The following RAB7A variants were observed in gnomAD, a reference collection of about 807,000 sequenced individuals.
RAB7A encodes ras-related protein Rab-7a.
RAB7A carries 2 observed loss-of-function variants against 24.5 expected under a neutral mutation model. The observed-to-expected ratio is 0.08, with a 90% CI of 0.03 to 0.26. RAB7A has a LOEUF of 0.26. Among genes scored for constraint, RAB7A ranks in the 10% least tolerant of loss-of-function variants. The pLI is 1.00. For synonymous variants in RAB7A, 100 were observed against 95.9 expected, an observed-to-expected ratio of 1.04 and a Z score of -0.25; for missense variants, 118 against 255.7, an observed-to-expected ratio of 0.46 and a Z score of 3.67.
chr3:128,795,460 A>C, intron 2 of RAB7A, 40 bp downstream of exon 2: 7 of 1,545,882 alleles, frequency 4.5e-6, no homozygotes, highest in Non-Finnish European at 6.3e-6. Context: ...ATTGGCTTAG[A>C]GCTAAGCCTC....
intron 3 of RAB7A, 56 bp downstream of exon 3, chr3:128,798,125 T>A: frequency 6.3e-7 from 1 of 1,591,190 alleles, no homozygotes; most frequent in South Asian, 1.1e-5. Context: ...TTAGTCTTAA[T>A]CTTTCCTCAT....
chr3:128,750,247 A>G (rs2070663561), intron 1 of RAB7A, among the ~76,000 whole-genome samples: 1 of 152,152 alleles, frequency 6.6e-6, no homozygotes, highest in South Asian at 2.1e-4. Context: ...GATTTAGGGT[A>G]TCTGGAGGAA....
At chr3:128,806,305 C>G (rs1933800653) in intron 3 of RAB7A, 67 bp from the exon 4 acceptor site, 4 of 1,443,104 alleles carry the variant, frequency 2.8e-6, no homozygotes, top group South Asian at 2.4e-5. Flanking sequence ...TCTGGCACCC[C>G]TTGCATACAT....
intron 1 of RAB7A, among the ~76,000 whole-genome samples, chr3:128,766,582 G>A (rs549355431): frequency 6.6e-6 from 1 of 152,290 alleles, no homozygotes; most frequent in South Asian, 2.1e-4. Flanking sequence ...GATCACTGTC[G>A]ACACTGGCAG....
chr3:128,749,362 G>A (rs1447524846), intron 1 of RAB7A: 1 of 152,202 alleles, frequency 6.6e-6, no homozygotes, highest in Non-Finnish European at 1.5e-5. Flanking sequence ...GTCTCTGGAG[G>A]CTGGAGGAGC....
At chr3:128,779,975 T>A (rs537886936) in intron 1 of RAB7A, among the ~76,000 whole-genome samples, 2 of 152,060 alleles carry the variant, frequency 1.3e-5, no homozygotes, top group Non-Finnish European at 2.9e-5. Flanking sequence ...TGGGCTGAAG[T>A]GTGGAGATTG....
At chr3:128,762,578 G>A (rs933772466) in intron 1 of RAB7A, among the ~76,000 whole-genome samples, 1 of 152,174 alleles carries the variant, frequency 6.6e-6, no homozygotes, top group Non-Finnish European at 1.5e-5. Context: ...TTCTGGGAGT[G>A]GGGAGTGAGA....
chr3:128,750,332 G>A (rs1360832870), intron 1 of RAB7A, among the ~76,000 whole-genome samples: 2 of 152,210 alleles, frequency 1.3e-5, no homozygotes, highest in South Asian at 2.1e-4. Context: ...TGCGATGTCA[G>A]CTCACTGCAG....
At chr3:128,747,959 G>A (rs975709205) in intron 1 of RAB7A, among the ~76,000 whole-genome samples, 1 of 152,096 alleles carries the variant, frequency 6.6e-6, no homozygotes, top group Non-Finnish European at 1.5e-5. Flanking sequence ...GTAGAGACGA[G>A]GTTTCACCAT....
Position 128,742,877 on chromosome 3 carries a change from G to A in RAB7A, c.-9+16518G>A, listed in dbSNP as rs181820583. On this transcript the variant is annotated intron_variant, in intron 1 of 5. Coordinates refer to ENST00000265062, the MANE Select transcript of RAB7A (RefSeq NM_004637.6). Reference sequence around the variant, plus strand: ...CAGCTGGCTTCGCCTAGCGGATCCCGTGCCAGGGCCACGGGCGGAGCTGCC... The same window carrying A: ...CAGCTGGCTTCGCCTAGCGGATCCCATGCCAGGGCCACGGGCGGAGCTGCC... Among the ~76,000 whole-genome samples the A allele has an allele frequency of 2.7e-3, 406 of 152,350 alleles. 4 individuals carry two copies. The highest frequency in any genetic ancestry group is 9.1e-3 in the African/African-American group (380 of 41,592).
chr3:128,800,560 A>G (rs1933677087), intron 3 of RAB7A, among the ~76,000 whole-genome samples: 1 of 152,178 alleles, frequency 6.6e-6, no homozygotes, highest in Non-Finnish European at 1.5e-5. Context: ...CAGGAAGGAT[A>G]AATAAAAAGA....
At chr3:128,778,870 G>A (rs1010749826) in intron 1 of RAB7A, among the ~76,000 whole-genome samples, 3 of 152,152 alleles carry the variant, frequency 2.0e-5, no homozygotes, top group Admixed American at 1.3e-4. Flanking sequence ...CAAATAATAA[G>A]GGATATCACA....
intron 1 of RAB7A, among the ~76,000 whole-genome samples, chr3:128,732,062 A>G (rs1312277079): frequency 6.9e-6 from 1 of 145,876 alleles, no homozygotes; most frequent in East Asian, 2.1e-4. Context: ...TCTCTCTGAG[A>G]CAGAGTCAAG....
At chr3:128,758,128 A>G (rs2070744930) in intron 1 of RAB7A, among the ~76,000 whole-genome samples, 1 of 151,516 alleles carries the variant, frequency 6.6e-6, no homozygotes, top group Non-Finnish European at 1.5e-5. Context: ...ACACCTGGCT[A>G]ATTTTTAAAT....
intron 1 of RAB7A, among the ~76,000 whole-genome samples, chr3:128,772,742 G>A (rs1394688200): frequency 6.6e-6 from 1 of 152,264 alleles, no homozygotes; most frequent in East Asian, 1.9e-4. Flanking sequence ...GGCGCGGGCC[G>A]CCACGCCTAA....
chr3:128,749,937 A>G (rs1450126590), intron 1 of RAB7A, among the ~76,000 whole-genome samples: 5 of 152,254 alleles, frequency 3.3e-5, no homozygotes, highest in Admixed American at 6.5e-5. Context: ...AAGATAACCA[A>G]TAATGTGGAA....
At chr3:128,786,130 A>C (rs1004952048) in intron 1 of RAB7A, among the ~76,000 whole-genome samples, 2 of 152,202 alleles carry the variant, frequency 1.3e-5, no homozygotes, top group South Asian at 4.1e-4. Context: ...TCATCTGTTA[A>C]ATGGGAATTC....
In RAB7A at chr3:128,777,267, C is replaced by T. The variant is rs561715710; in HGVS notation, c.-8-18093C>T. Among the ~76,000 whole-genome samples the T allele has an allele frequency of 1.1e-4, 17 of 152,170 alleles. 1 individual carries two copies. In the South Asian group the frequency reaches 3.5e-3, roughly 32 times the overall value. Reference sequence around the variant, plus strand: ...GGAGTACAGTTATATGATCACTGCTCGCTACAGCCTTGACATCCTGGGCTC... The same window carrying T: ...GGAGTACAGTTATATGATCACTGCTTGCTACAGCCTTGACATCCTGGGCTC... On this transcript the variant is annotated intron_variant, in intron 1 of 5. Coordinates refer to ENST00000265062, the MANE Select transcript of RAB7A (RefSeq NM_004637.6).
intron 1 of RAB7A, among the ~76,000 whole-genome samples, chr3:128,747,957 G>A (rs767383668): frequency 1.8e-4 from 28 of 152,178 alleles, no homozygotes; most frequent in Middle Eastern, 3.4e-3. Flanking sequence ...TAGTAGAGAC[G>A]AGGTTTCACC....
Sources: allele counts gnomAD v4.1 joint callset (sites outside exome capture counted in the v4.1 genomes callset), GRCh38; gene constraint gnomAD v4.1.1; transcripts MANE v1.5; gene names NCBI Gene and HGNC (gene_info 2026-07-23, HGNC 2026-07-21).